The following TRPM3 variants were observed in gnomAD, a reference collection of about 807,000 sequenced individuals.
The protein encoded by TRPM3 is transient receptor potential cation channel subfamily M member 3, also known as long transient receptor potential channel 3.
Under a neutral mutation model 181.2 loss-of-function variants are expected in TRPM3, and 77 were observed. That is an observed-to-expected ratio of 0.42 (90% confidence interval 0.35 to 0.51). TRPM3 has a LOEUF of 0.51. TRPM3 is among the 20% of genes least tolerant of loss of function. The probability of loss-of-function intolerance (pLI) is 0.01; values close to 1 mark genes in which losing one functional copy is unlikely to be tolerated. For missense variants in TRPM3, 1,759 were observed against 2,196.7 expected (o/e 0.80, Z 3.98); for synonymous variants, 745 against 796.4 (o/e 0.94, Z 1.09).
At chr9:71,344,907 T>C (rs191010848) in intron 1 of TRPM3, among the ~76,000 whole-genome samples, 10 of 152,192 alleles carry the variant, frequency 6.6e-5, no homozygotes, top group Admixed American at 5.9e-4. Context: ...AATTAAAAAG[T>C]GGCAAAAGAT....
intron 1 of TRPM3, among the ~76,000 whole-genome samples, chr9:71,301,649 AGAT>A (rs1305190164): frequency 6.6e-6 from 1 of 152,170 alleles, no homozygotes. Context: ...ACTGCTGCTC[AGAT>A]GATAAGGGGA....
intron 1 of TRPM3, among the ~76,000 whole-genome samples, chr9:71,351,458 C>A (rs1039702430): frequency 2.0e-5 from 3 of 152,152 alleles, no homozygotes; most frequent in Non-Finnish European, 4.4e-5. Context: ...ATGGCAAAAA[C>A]TGAATGATCG....
intron 1 of TRPM3, among the ~76,000 whole-genome samples, chr9:71,159,786 G>T (rs550803180): frequency 1.3e-5 from 2 of 152,156 alleles, no homozygotes; most frequent in African/African-American, 4.8e-5. Flanking sequence ...GATTTATGAG[G>T]TTGAATAAAA....
At chr9:71,081,196 A>C (rs1464930808) in intron 1 of TRPM3, among the ~76,000 whole-genome samples, 1 of 152,220 alleles carries the variant, frequency 6.6e-6, no homozygotes, top group East Asian at 1.9e-4. Context: ...AATGGCTATA[A>C]TATGTCAACA....
At chr9:71,094,547 T>C (rs1336438971) in intron 1 of TRPM3, among the ~76,000 whole-genome samples, 1 of 151,430 alleles carries the variant, frequency 6.6e-6, no homozygotes, top group East Asian at 1.9e-4. Context: ...AGAAGAGGAA[T>C]ATAGGAGGAG....
At chr9:70,956,556 A>C (rs982910279) in intron 1 of TRPM3, among the ~76,000 whole-genome samples, 7 of 152,094 alleles carry the variant, frequency 4.6e-5, no homozygotes, top group Non-Finnish European at 7.4e-5. Flanking sequence ...ATCCTATCCA[A>C]ATGTATAAAG....
rs1373361149 is a variant in TRPM3 at position 70,531,248 on chromosome 9, C to A, written c.*4705G>T. 1 of 152,118 alleles carries A rather than the reference C, an allele frequency of 6.6e-6. No homozygotes were observed. The allele number at this position is 152,118 out of a possible 1,614,324, so 9.4% of individuals were successfully genotyped here. A position where few individuals can be genotyped will look rare whatever the true frequency, so the allele number is the denominator to read the frequency against. ...ACCTCTGGGTCCCATGGCTATACAA[C>A]CTGCAGTTAATACTTTATTTCATAT... On this transcript the variant is annotated 3_prime_UTR_variant, in exon 26 of 26. Coordinates refer to ENST00000677713, the MANE Select transcript of TRPM3 (RefSeq NM_001366145.2).
chr9:70,860,268 GTTAA>G (rs376896078), intron 3 of TRPM3, among the ~76,000 whole-genome samples: 24 of 152,274 alleles, frequency 1.6e-4, no homozygotes, highest in Middle Eastern at 3.4e-3. Flanking sequence ...AGACTTTCTA[GTTAA>G]ACAGTGAGAG....
At chr9:71,311,505 A>G (rs776103307) in intron 1 of TRPM3, among the ~76,000 whole-genome samples, 2 of 152,164 alleles carry the variant, frequency 1.3e-5, no homozygotes, top group South Asian at 4.1e-4. Flanking sequence ...AGGCAATACA[A>G]TGAAGCAAAG....
intron 3 of TRPM3, 73 bp downstream of exon 3, chr9:70,862,835 C>T: frequency 1.3e-6 from 2 of 1,498,674 alleles, no homozygotes; most frequent in Non-Finnish European, 1.8e-6. Context: ...AAATTTCATG[C>T]TCTTAACCAC....
intron 3 of TRPM3, among the ~76,000 whole-genome samples, chr9:70,862,149 C>T (rs2095538722): frequency 6.6e-6 from 1 of 152,054 alleles, no homozygotes; most frequent in Non-Finnish European, 1.5e-5. Flanking sequence ...CCTGCTCCAC[C>T]CTCAGCTAGT....
At chr9:70,651,525 CAACT>C (rs1454426417) in intron 9 of TRPM3, among the ~76,000 whole-genome samples, 1 of 152,168 alleles carries the variant, frequency 6.6e-6, no homozygotes, top group Non-Finnish European at 1.5e-5. Context: ...TGCCACCAAC[CAACT>C]CACTCTTGTT....
chr9:70,923,807 T>C lies in TRPM3; in HGVS notation c.178-59296A>G, dbSNP rs12339125. Among the ~76,000 whole-genome samples, 5 of 129,104 alleles carry C rather than the reference T, an allele frequency of 3.9e-5. No homozygotes were observed. The East Asian group carries it at 1.0e-3, about 27-fold the overall frequency. The allele number at this position is 129,104 out of a possible 152,430, so 84.7% of individuals were successfully genotyped here. On this transcript the variant is annotated intron_variant, in intron 1 of 25. Transcript: ENST00000677713. ...ATAACACACACACACACACACACTC[T>C]CTCTCTCTCTCTCTCTCTCTCTATA...
intron 1 of TRPM3, among the ~76,000 whole-genome samples, chr9:71,033,753 AT>A (rs1220726210): frequency 6.6e-6 from 1 of 152,172 alleles, no homozygotes; most frequent in Non-Finnish European, 1.5e-5. Flanking sequence ...TTCTATGATT[AT>A]CATATACTTG....
At chr9:70,924,978 C>A (rs1564775010) in intron 1 of TRPM3, among the ~76,000 whole-genome samples, 1 of 152,164 alleles carries the variant, frequency 6.6e-6, no homozygotes, top group Non-Finnish European at 1.5e-5. Flanking sequence ...AGCTTTCATT[C>A]TGCGCTCTTT....
chr9:70,981,592 C>T (rs1431698375), intron 1 of TRPM3, among the ~76,000 whole-genome samples: 2 of 152,128 alleles, frequency 1.3e-5, no homozygotes, highest in Non-Finnish European at 2.9e-5. Flanking sequence ...AGTCATCAGT[C>T]TCTCTGCATC....
At chr9:71,031,511 T>A (rs1183858034) in intron 1 of TRPM3, among the ~76,000 whole-genome samples, 1 of 152,178 alleles carries the variant, frequency 6.6e-6, no homozygotes, top group Non-Finnish European at 1.5e-5. Context: ...CATGCAGTGA[T>A]ACCTAAGAAA....
chr9:70,772,575 G>A (rs918787349), intron 7 of TRPM3, among the ~76,000 whole-genome samples: 3 of 152,058 alleles, frequency 2.0e-5, no homozygotes, highest in Non-Finnish European at 2.9e-5. Context: ...CACCTGCCTC[G>A]GCATCCCGAT....
At position 71,446,119 on chromosome 9, in the gene TRPM3, C is replaced by T. The variant is rs1027856476; in HGVS notation, c.183+534G>A. Among the ~76,000 whole-genome samples the T allele has an allele frequency of 4.6e-5, 7 of 152,156 alleles. 1 individual carries two copies. Among genetic ancestry groups the T allele is most frequent in the Admixed American group, 3.9e-4 (6 of 15,278 alleles). ...ATGTTAAGCAGTAGGATTACAAGCA[C>T]CTGGGATATTCTTGCTATTCTCTGT... On this transcript the variant is annotated intron_variant, in intron 1 of 24. Coordinates refer to the TRPM3 transcript ENST00000357533.
Sources: gnomAD v4.1 joint callset for allele counts (sites outside exome capture counted in the v4.1 genomes callset) on GRCh38, gnomAD v4.1.1 for gene constraint, MANE v1.5 for transcripts, NCBI Gene and HGNC (gene_info 2026-07-23, HGNC 2026-07-21) for gene names.